ZNF69: variants seen among roughly 807,000 people sequenced by gnomAD.
ZNF69 encodes the protein zinc finger protein 69.
In ZNF69, 47 loss-of-function variants were observed where a neutral mutation model predicts 50.9. The observed-to-expected ratio is 0.92, with a 90% CI of 0.73 to 1.18. The LOEUF (loss-of-function observed/expected upper bound fraction) is 1.18, where lower values mean the gene tolerates loss of function less well. Among genes scored for constraint, ZNF69 ranks in the 50% most tolerant of loss-of-function variants. The probability of loss-of-function intolerance (pLI) is 0.00; values close to 1 mark genes in which losing one functional copy is unlikely to be tolerated. For synonymous variants in ZNF69, 216 were observed against 223.1 expected (o/e 0.97, Z 0.29); for missense variants, 717 against 675.1 (o/e 1.06, Z -0.69).
the ZNF69 span, among the ~76,000 whole-genome samples, chr19:11,974,118 TTTCTTTCTTTTCTTTCTTTC>T: frequency 4.3e-5 from 3 of 69,064 alleles, no homozygotes; most frequent in African/African-American, 1.1e-4. Flanking sequence ...TCTTTCTTTC[TTTCTTTCTTTTCTTTCTTTC>T]TTTCTTTCTT....
chr19:11,898,244 A>T (rs1248621215), intron 1 of ZNF69, among the ~76,000 whole-genome samples: 1 of 152,136 alleles, frequency 6.6e-6, no homozygotes, highest in East Asian at 1.9e-4. Flanking sequence ...CTCAGTTATG[A>T]ACCTTATATG....
chr19:11,978,723 A>G, the ZNF69 span: 746 of 1,613,838 alleles, frequency 4.6e-4, 10 homozygotes, highest in East Asian at 0.014. Context: ...AGCATTCCAT[A>G]GTTCCAGTTC....
the ZNF69 span, chr19:11,965,075 G>C: frequency 8.5e-7 from 1 of 1,170,176 alleles, no homozygotes; most frequent in East Asian, 2.5e-5. Context: ...GCCGGTGGTT[G>C]ATATCCGCTG....
the ZNF69 span, among the ~76,000 whole-genome samples, chr19:11,976,413 G>A: frequency 9.2e-5 from 14 of 151,888 alleles, no homozygotes; most frequent in East Asian, 2.1e-3. Flanking sequence ...TGAACCAGCC[G>A]AGCATGGTGG....
downstream of ZNF69, among the ~76,000 whole-genome samples, chr19:11,906,942 A>G (rs1036529119): frequency 1.3e-5 from 2 of 152,190 alleles, no homozygotes; most frequent in African/African-American, 4.8e-5. Context: ...AAGATTAGAC[A>G]AAATGGCTAA....
At chr19:11,970,104 G>A in the ZNF69 span, among the ~76,000 whole-genome samples, 6 of 152,138 alleles carry the variant, frequency 3.9e-5, no homozygotes, top group Non-Finnish European at 7.4e-5. Flanking sequence ...ACCAATTCTT[G>A]GGGTGCTCAG....
At chr19:11,928,425 A>G in the ZNF69 span, among the ~76,000 whole-genome samples, 1 of 152,110 alleles carries the variant, frequency 6.6e-6, no homozygotes, top group African/African-American at 2.4e-5. Flanking sequence ...TAGCCATGAA[A>G]TCTTTGTGTG....
chr19:11,978,204 T>C, the ZNF69 span: 2 of 1,613,666 alleles, frequency 1.2e-6, no homozygotes, highest in African/African-American at 2.7e-5. Context: ...CAGGCTGAAC[T>C]TCCAGGAGAA....
At chr19:11,911,999 T>C (rs546204099) in intron 4 of ZNF69, among the ~76,000 whole-genome samples, 1 of 152,046 alleles carries the variant, frequency 6.6e-6, no homozygotes, top group Admixed American at 6.5e-5. Flanking sequence ...TTCCATATCA[T>C]GAAAGGACTC....
At chr19:11,947,338 C>T in the ZNF69 span, 1 of 1,612,468 alleles carries the variant, frequency 6.2e-7, no homozygotes, top group African/African-American at 1.3e-5. Flanking sequence ...TCCGTCAGTG[C>T]ATTAGCAAAC....
At chr19:11,979,061 T>G in the ZNF69 span, 1 of 1,614,196 alleles carries the variant, frequency 6.2e-7, no homozygotes, top group Non-Finnish European at 8.5e-7. Flanking sequence ...CATTATCTTA[T>G]AAGTTTTCAA....
chr19:11,973,405 A>C, the ZNF69 span, among the ~76,000 whole-genome samples: 1 of 152,128 alleles, frequency 6.6e-6, no homozygotes, highest in African/African-American at 2.4e-5. Flanking sequence ...TTTATCTAAA[A>C]AAATTTTGTT....
At chr19:11,914,308 TC>T (rs1972501204) in exon 5 of ZNF69, 1 of 135,058 alleles carries the variant, frequency 7.4e-6, no homozygotes, top group Non-Finnish European at 1.6e-5. Flanking sequence ...AGAGCGAAAC[TC>T]CGTTTCAAAA....
At chr19:11,974,312 T>C in the ZNF69 span, among the ~76,000 whole-genome samples, 3 of 151,066 alleles carry the variant, frequency 2.0e-5, no homozygotes, top group Non-Finnish European at 4.4e-5. Context: ...TTCTCCTGAC[T>C]CAGCCTCCCA....
intron 1 of ZNF69, among the ~76,000 whole-genome samples, chr19:11,892,620 A>T (rs1012650172): frequency 6.0e-5 from 9 of 151,244 alleles, no homozygotes; most frequent in African/African-American, 9.7e-5. Context: ...TTAAATAAAT[A>T]AAAAAAAAGT....
the ZNF69 span, among the ~76,000 whole-genome samples, chr19:11,941,900 G>T: frequency 6.6e-6 from 1 of 152,320 alleles, no homozygotes; most frequent in South Asian, 2.1e-4. Context: ...CCATTCAGCC[G>T]TCAGTGGATA....
At chr19:11,949,643 A>G in the ZNF69 span, 2 of 1,613,952 alleles carry the variant, frequency 1.2e-6, no homozygotes, top group Non-Finnish European at 1.7e-6. Context: ...GAATGCAACC[A>G]ATGTGGTAAA....
chr19:11,917,984 C>T (rs1314715025), downstream of ZNF69, among the ~76,000 whole-genome samples: 2 of 152,068 alleles, frequency 1.3e-5, no homozygotes, highest in East Asian at 1.9e-4. Flanking sequence ...GACGGTTTCA[C>T]CATGTTGTCC....
the ZNF69 span, among the ~76,000 whole-genome samples, chr19:11,969,076 C>T: frequency 3.3e-5 from 5 of 152,102 alleles, no homozygotes; most frequent in Non-Finnish European, 1.5e-5. Context: ...GATTCATCAG[C>T]TTAAATTTTT....
Sources: gnomAD v4.1 joint callset for allele counts (sites outside exome capture counted in the v4.1 genomes callset) on GRCh38, gnomAD v4.1.1 for gene constraint, MANE v1.5 for transcripts, NCBI Gene and HGNC (gene_info 2026-07-23, HGNC 2026-07-21) for gene names.